Variants in DRC8 observed in about 807,000 individuals in gnomAD.
The protein encoded by DRC8 is dynein regulatory complex subunit 8, also known as dynein regulatory complex protein 8.
chr1:245,032,495 A>G, the DRC8 span, among the ~76,000 whole-genome samples: 5 of 152,356 alleles, frequency 3.3e-5, 1 homozygote, highest in South Asian at 1.0e-3. Flanking sequence ...TAACAGCTCC[A>G]GTTTCTACTG....
the DRC8 span, among the ~76,000 whole-genome samples, chr1:245,052,478 G>C: frequency 1.2e-4 from 19 of 152,192 alleles, no homozygotes; most frequent in Non-Finnish European, 1.8e-4. Flanking sequence ...GAGGAACCAC[G>C]CAGCCAACCC....
chr1:245,026,782 A>C, the DRC8 span, among the ~76,000 whole-genome samples: 26 of 152,372 alleles, frequency 1.7e-4, no homozygotes, highest in African/African-American at 5.8e-4. Flanking sequence ...AAAAGGACGG[A>C]AACATAGTAC....
the DRC8 span, among the ~76,000 whole-genome samples, chr1:244,971,985 G>A: frequency 6.8e-6 from 1 of 146,586 alleles, no homozygotes; most frequent in Admixed American, 6.8e-5. Flanking sequence ...AAGCCATTAG[G>A]AGATAAACTA....
chr1:245,090,239 G>A, the DRC8 span, among the ~76,000 whole-genome samples: 1 of 152,174 alleles, frequency 6.6e-6, no homozygotes. Flanking sequence ...TAGGAGGAGT[G>A]GGTGACAGAT....
the DRC8 span, among the ~76,000 whole-genome samples, chr1:245,065,923 G>A: frequency 6.6e-6 from 1 of 151,932 alleles, no homozygotes; most frequent in Non-Finnish European, 1.5e-5. Flanking sequence ...CAGTCACTTA[G>A]TGGGGAAAAC....
At chr1:244,970,062 T>C in the DRC8 span, 1 of 639,234 alleles carries the variant, frequency 1.6e-6, no homozygotes, top group Non-Finnish European at 2.8e-6. Context: ...GCGCGCGTGC[T>C]GTCCCCAAAT....
chr1:245,098,824 T>C, the DRC8 span, among the ~76,000 whole-genome samples: 1 of 152,256 alleles, frequency 6.6e-6, no homozygotes, highest in Non-Finnish European at 1.5e-5. Context: ...TGACTGCCAT[T>C]GTTCTGACTG....
At chr1:244,999,164 C>G in the DRC8 span, among the ~76,000 whole-genome samples, 1 of 144,834 alleles carries the variant, frequency 6.9e-6, no homozygotes. Context: ...GCAATATTGA[C>G]AAATGTCTAC....
the DRC8 span, among the ~76,000 whole-genome samples, chr1:245,051,451 G>T: frequency 6.6e-6 from 1 of 152,050 alleles, no homozygotes; most frequent in East Asian, 1.9e-4. Context: ...CAGAAGCTTG[G>T]GGGTAGGGGA....
At chr1:245,103,979 G>A in the DRC8 span, among the ~76,000 whole-genome samples, 381 of 152,260 alleles carry the variant, frequency 2.5e-3, 1 homozygote, top group African/African-American at 8.7e-3. Flanking sequence ...AGTTGCAGAC[G>A]GAATACGCCG....
At chr1:245,047,495 C>T in the DRC8 span, among the ~76,000 whole-genome samples, 2 of 151,776 alleles carry the variant, frequency 1.3e-5, no homozygotes, top group Non-Finnish European at 1.5e-5. Flanking sequence ...CTTAGCCAGG[C>T]GTGGTGGCGG....
At chr1:245,007,050 G>T in the DRC8 span, among the ~76,000 whole-genome samples, 1 of 152,204 alleles carries the variant, frequency 6.6e-6, no homozygotes, top group African/African-American at 2.4e-5. Context: ...AAATTTGGAG[G>T]ACTGTGATCA....
the DRC8 span, among the ~76,000 whole-genome samples, chr1:244,986,797 G>A: frequency 5.3e-5 from 8 of 151,938 alleles, no homozygotes; most frequent in Non-Finnish European, 8.8e-5. Flanking sequence ...GGTGGAGCAC[G>A]GCAAGAGCAG....
At chr1:245,019,757 A>G in the DRC8 span, among the ~76,000 whole-genome samples, 7 of 152,280 alleles carry the variant, frequency 4.6e-5, no homozygotes, top group African/African-American at 1.4e-4. Flanking sequence ...AGCCTGGCCA[A>G]CATGGTGAAA....
the DRC8 span, among the ~76,000 whole-genome samples, chr1:245,041,728 G>A: frequency 6.6e-6 from 1 of 152,110 alleles, no homozygotes; most frequent in East Asian, 1.9e-4. Context: ...TTAAAATGAG[G>A]CCATTGGGGT....
At chr1:245,052,998 C>T in the DRC8 span, among the ~76,000 whole-genome samples, 1 of 152,192 alleles carries the variant, frequency 6.6e-6, no homozygotes, top group Non-Finnish European at 1.5e-5. Context: ...CTTGAGATAA[C>T]AGATAAGTCA....
the DRC8 span, among the ~76,000 whole-genome samples, chr1:244,973,340 A>T: frequency 3.3e-5 from 5 of 152,320 alleles, no homozygotes; most frequent in Non-Finnish European, 7.4e-5. Context: ...ATTTTGAAGG[A>T]TGTGTTCAGT....
the DRC8 span, among the ~76,000 whole-genome samples, chr1:245,079,208 G>T: frequency 6.6e-6 from 1 of 151,976 alleles, no homozygotes; most frequent in Non-Finnish European, 1.5e-5. Flanking sequence ...AGAACAAATT[G>T]GATACGGCCT....
chr1:244,997,444 T>C, the DRC8 span, among the ~76,000 whole-genome samples: 16 of 152,168 alleles, frequency 1.1e-4, no homozygotes, highest in Non-Finnish European at 1.5e-4. Flanking sequence ...GCCAGTAAGC[T>C]GAATCAGTCT....
Sources: gnomAD v4.1 joint callset for allele counts (sites outside exome capture counted in the v4.1 genomes callset) on GRCh38, gnomAD v4.1.1 for gene constraint, MANE v1.5 for transcripts, NCBI Gene and HGNC (gene_info 2026-07-23, HGNC 2026-07-21) for gene names.